The following ERG variants were observed in gnomAD, a reference collection of about 807,000 sequenced individuals.
ERG encodes ETS transcription factor ERG.
In ERG, 9 loss-of-function variants were observed where a neutral mutation model predicts 55.3. That is an observed-to-expected ratio of 0.16 (90% CI 0.10 to 0.28). The LOEUF (loss-of-function observed/expected upper bound fraction) is 0.28. Among genes scored for constraint, ERG ranks in the 10% least tolerant of loss-of-function variants. The probability of loss-of-function intolerance (pLI) is 1.00; values close to 1 mark genes in which losing one functional copy is unlikely to be tolerated. For missense variants in ERG, 434 were observed against 631.6 expected, an observed-to-expected ratio of 0.69 and a Z score of 3.35; for synonymous variants, 223 against 237.3, an observed-to-expected ratio of 0.94 and a Z score of 0.55.
rs1989646391 is a variant in ERG at position 38,423,482 on chromosome 21, T to C, written c.316A>G (p.Ser106Gly). ...SPDTVGMNYG[S>G]YMEEKHMPPP... ...GGCATGTGCTTCTCCTCCATGTAGCTGCCGTAGTTCATCCCAACGGTGTCT... is the reference window on the plus strand; with the variant it reads ...GGCATGTGCTTCTCCTCCATGTAGCCGCCGTAGTTCATCCCAACGGTGTCT... The change falls in exon 3 of 10, where the codon AGC becomes GGC. Residue 106 changes from serine to glycine, a missense_variant. Ser to Gly is a moderately conservative substitution (Grantham distance 56, BLOSUM62 0). Transcript: ENST00000288319. 2 of 1,614,056 alleles carry C rather than the reference T, an allele frequency of 1.2e-6. No homozygotes were observed. The highest frequency in any genetic ancestry group is 1.7e-5 in the Admixed American group (1 of 59,998).
At chr21:38,488,117 C>G (rs1485702396) in intron 1 of ERG, among the ~76,000 whole-genome samples, 3 of 152,128 alleles carry the variant, frequency 2.0e-5, no homozygotes, top group Non-Finnish European at 4.4e-5. Context: ...TCGCAATGCA[C>G]TGTCCCAGAC....
At chr21:38,391,994 T>G (rs979130347) in intron 7 of ERG, among the ~76,000 whole-genome samples, 21 of 149,718 alleles carry the variant, frequency 1.4e-4, no homozygotes, top group Non-Finnish European at 2.5e-4. Flanking sequence ...ACCAAACAGA[T>G]TACAATAAAT....
intron 2 of ERG, among the ~76,000 whole-genome samples, chr21:38,443,910 C>A (rs565649135): frequency 6.6e-6 from 1 of 152,332 alleles, no homozygotes; most frequent in East Asian, 1.9e-4. Context: ...GCCTCGAGTT[C>A]CACTTAAAGG....
At chr21:38,597,088 C>A (rs1038090466) in intron 1 of ERG, among the ~76,000 whole-genome samples, 3 of 152,210 alleles carry the variant, frequency 2.0e-5, no homozygotes, top group African/African-American at 7.2e-5. Flanking sequence ...CGGGCTGTGG[C>A]CCACTCTGGA....
chr21:38,519,746 T>C (rs2059579955), intron 2 of ERG, among the ~76,000 whole-genome samples: 1 of 152,178 alleles, frequency 6.6e-6, no homozygotes, highest in Non-Finnish European at 1.5e-5. Context: ...TAGAGATGTG[T>C]GTATATGTGC....
chr21:38,452,066 C>G (rs1374483118), intron 1 of ERG, among the ~76,000 whole-genome samples: 2 of 152,092 alleles, frequency 1.3e-5, no homozygotes, highest in Non-Finnish European at 2.9e-5. Flanking sequence ...TCCTTCAAAA[C>G]TATAAAAAAA....
intron 1 of ERG, among the ~76,000 whole-genome samples, chr21:38,472,731 G>A (rs1309417801): frequency 6.6e-6 from 1 of 152,220 alleles, no homozygotes; most frequent in African/African-American, 2.4e-5. Context: ...CACAGGAGAA[G>A]GGGAAGAAAC....
intron 1 of ERG, among the ~76,000 whole-genome samples, chr21:38,488,810 T>TA (rs1306943865): frequency 6.6e-6 from 1 of 152,258 alleles, no homozygotes; most frequent in African/African-American, 2.4e-5. Flanking sequence ...CAGAGGTGCC[T>TA]ACGGGGCATG....
At chr21:38,635,780 G>T (rs459094) in intron 1 of ERG, among the ~76,000 whole-genome samples, 52,631 of 152,010 alleles carry the variant, frequency 0.35, 10,057 homozygotes, top group East Asian at 0.65. Flanking sequence ...GCAGCAGTCC[G>T]CCACTATTAC....
chr21:38,515,072 T>C (rs1410721598), intron 2 of ERG, among the ~76,000 whole-genome samples: 2 of 151,918 alleles, frequency 1.3e-5, no homozygotes, highest in Non-Finnish European at 2.9e-5. Context: ...CAAAATATTA[T>C]TAAAAGAAGA....
At chr21:38,543,726 T>C (rs28561779) in intron 2 of ERG, among the ~76,000 whole-genome samples, 21 of 144,900 alleles carry the variant, frequency 1.4e-4, no homozygotes, top group African/African-American at 5.1e-4. Context: ...CAGGGTGATG[T>C]GTGAGAAACA....
rs1987375200 is a variant in ERG, at chr21:38,380,507, GA to G, written c.*2895del. The G allele has an allele frequency of 2.8e-6, 3 of 1,065,558 alleles. No homozygotes were observed. The highest frequency in any genetic ancestry group is 1.6e-5 in the African/African-American group (1 of 61,086). 66.0% of individuals were successfully genotyped at this position (1,065,558 alleles called of 1,614,324 possible). A position where few individuals can be genotyped will look rare whatever the true frequency, so the allele number is the denominator to read the frequency against. ...AAGAAGACAAATCTCTTGCCAGCAG[GA>G]GTAAGATTGTACAGGAGTCTGAGTA... On this transcript the variant is annotated 3_prime_UTR_variant, in exon 10 of 10. Coordinates refer to ENST00000288319, the MANE Select transcript of ERG (RefSeq NM_182918.4).
rs774694085 is a variant in ERG at position 38,626,361 on chromosome 21, A to T, written c.-150+35297T>A. On this transcript the variant is annotated intron_variant, in intron 1 of 10. Coordinates refer to the ERG transcript ENST00000398910. ...ACCAGTGCCATTTTGCAAAATGTTG[A>T]CTGACCATGATGAGAGAAGTACGGA... Among the ~76,000 whole-genome samples the T allele has an allele frequency of 1.5e-3, 228 of 152,340 alleles. 1 individual carries two copies. Among genetic ancestry groups the T allele is most frequent in the Non-Finnish European group, 2.7e-3 (186 of 68,028 alleles).
intron 2 of ERG, among the ~76,000 whole-genome samples, chr21:38,439,314 G>A (rs757615558): frequency 4.6e-5 from 7 of 152,228 alleles, no homozygotes; most frequent in Non-Finnish European, 8.8e-5. Context: ...GACCATGAGT[G>A]AGCAGGTGTT....
intron 1 of ERG, 114 bp from the exon 2 acceptor site, chr21:38,445,735 T>A: frequency 1.3e-6 from 1 of 755,974 alleles, no homozygotes; most frequent in Non-Finnish European, 2.2e-6. Flanking sequence ...ATCGTTTTTA[T>A]GGTCTCCATT....
intron 1 of ERG, among the ~76,000 whole-genome samples, chr21:38,590,212 C>T (rs1343039661): frequency 6.6e-6 from 1 of 152,100 alleles, no homozygotes; most frequent in African/African-American, 2.4e-5. Flanking sequence ...AGAGGTTATA[C>T]TTTAAATTAA....
chr21:38,424,181 G>GCGCTCTCTCTCTCTCTCT (rs1555896858), intron 2 of ERG, among the ~76,000 whole-genome samples: 11 of 88,078 alleles, frequency 1.2e-4, no homozygotes, highest in African/African-American at 2.6e-4. Context: ...AGAGACCAGA[G>GCGCTCTCTCTCTCTCTCT]CTCGAGCTCT....
chr21:38,511,527 C>A (rs2059511367), intron 2 of ERG, among the ~76,000 whole-genome samples: 1 of 152,140 alleles, frequency 6.6e-6, no homozygotes. Context: ...AAATCTAAGA[C>A]TTTGGGTGGT....
chr21:38,545,409 C>A (rs914629300), intron 2 of ERG, among the ~76,000 whole-genome samples: 5 of 152,164 alleles, frequency 3.3e-5, no homozygotes, highest in African/African-American at 1.2e-4. Context: ...ATAATTGCTC[C>A]TTTCCAAATT....
Sources: allele counts gnomAD v4.1 joint callset (sites outside exome capture counted in the v4.1 genomes callset), GRCh38; gene constraint gnomAD v4.1.1; transcripts MANE v1.5; gene names NCBI Gene and HGNC (gene_info 2026-07-23, HGNC 2026-07-21).